Variants in PLPPR3 observed in about 807,000 individuals in gnomAD.
The protein encoded by PLPPR3 is phospholipid phosphatase-related protein type 3.
PLPPR3 carries 14 observed loss-of-function variants against 27.3 expected under a neutral mutation model. The observed-to-expected ratio is 0.51, with a 90% CI of 0.34 to 0.80. The LOEUF (loss-of-function observed/expected upper bound fraction) is 0.80, where lower values mean the gene tolerates loss of function less well. Ranked by LOEUF, PLPPR3 falls within the 30% of genes least tolerant of loss-of-function variation. The pLI is 0.01. For missense variants in PLPPR3, 1,287 were observed against 1,056.9 expected, an observed-to-expected ratio of 1.22 and a Z score of -3.02; for synonymous variants, 671 against 508.0, an observed-to-expected ratio of 1.32 and a Z score of -4.32.
At position 813,359 on chromosome 19, in the gene PLPPR3, TTCC is replaced by T. The variant is rs751140940; in HGVS notation, c.1365_1367del (p.Glu459del). On this transcript the variant is annotated inframe_deletion, in exon 8 of 8. Transcript: ENST00000520876. This position sits in a 1 kb window ranked among gnomAD's most constrained non-coding sequence, Gnocchi z 4.1. The stretch of plus-strand genomic sequence containing the variant: ...GGGCCGGGCCCTCGTCCTCCTCCTC[TTCC>T]TCCTCCTCCTCTTCCTCTTCGTCCT... The T allele has an allele frequency of 6.0e-5, 89 of 1,484,970 alleles. No individual in the cohort carries two copies. Among genetic ancestry groups the T allele is most frequent in the East Asian group, 2.6e-4 (10 of 38,978 alleles). 92.0% of individuals were successfully genotyped at this position (1,484,970 alleles called of 1,614,324 possible).
At chr19:819,478 T>C (rs1055261716) in intron 2 of PLPPR3, among the ~76,000 whole-genome samples, 12 of 151,428 alleles carry the variant, frequency 7.9e-5, no homozygotes, top group African/African-American at 2.9e-4. Flanking sequence ...TTAGTAGAGA[T>C]GGGGTTTCAC....
In PLPPR3 at chr19:812,646, C is replaced by T. The variant is rs1310493746; in HGVS notation, c.2081G>A (p.Gly694Glu). The T allele has an allele frequency of 4.6e-6, 5 of 1,085,266 alleles. No homozygotes were observed. Among genetic ancestry groups the T allele is most frequent in the Admixed American group, 1.1e-4 (2 of 18,606 alleles). The allele number at this position is 1,085,266 out of a possible 1,614,324, so 67.2% of individuals were successfully genotyped here. Residue 694 changes from glycine to glutamate, a missense_variant, in exon 8 of 8, where the codon GGG becomes GAG. Physicochemically the swap from Gly to Glu is moderately conservative, Grantham distance 98. Coordinates refer to ENST00000520876, the MANE Select transcript of PLPPR3 (RefSeq NM_001270366.2). Reference protein sequence around the residue: ...STLRRHAGGLGLAEREAEAEA... With the variant: ...STLRRHAGGLELAEREAEAEA... ...CGCCTCCGCCTCGCGCTCCGCCAGCCCCAGGCCGCCCGCGTGGCGCCGCAG... is the reference window on the plus strand; with the variant it reads ...CGCCTCCGCCTCGCGCTCCGCCAGCTCCAGGCCGCCCGCGTGGCGCCGCAG...
Position 813,814 on chromosome 19 carries a change from C to G in PLPPR3, c.913G>C (p.Ala305Pro). Residue 305 changes from alanine (A) to proline (P), a missense_variant, in exon 8 of 8, where the codon GCC (alanine) becomes CCC (proline). Physicochemically the swap from Ala to Pro is conservative, Grantham distance 27 (BLOSUM62 -1). Transcript: ENST00000520876. The surrounding 1 kb of genome is among the most constrained non-coding windows in gnomAD (Gnocchi z 4.1). ...GAGTCGTGGCCCCGCTGCGTCAGGG[C>G]CCGCAGCGCGTCCTTGGCGGGGGCC... is the stretch of plus-strand genomic sequence containing the variant. Reference protein sequence around the residue: ...APAPAKDALRALTQRGHDSVY... With the variant: ...APAPAKDALRPLTQRGHDSVY... 1 of 1,510,060 alleles carries G rather than the reference C, an allele frequency of 6.6e-7. No homozygotes were observed. 93.5% of individuals were successfully genotyped at this position (1,510,060 alleles called of 1,614,324 possible).
At position 815,168 on chromosome 19, in the gene PLPPR3, G is replaced by T; in HGVS notation, c.403+18C>A. 2 of 1,602,156 alleles carry T rather than the reference G, an allele frequency of 1.2e-6. No homozygotes were observed. The highest frequency in any genetic ancestry group is 1.7e-6 in the Non-Finnish European group (2 of 1,178,898). On this transcript the variant is annotated intron_variant, in intron 4 of 7. Transcript: ENST00000520876. Reference sequence around the variant, plus strand: ...CATGTGGAGGTAGCTCAGGGTCGGGGCGCGTCCCGCAACTCACCCACAAAC... The same window carrying T: ...CATGTGGAGGTAGCTCAGGGTCGGGTCGCGTCCCGCAACTCACCCACAAAC...
rs1271963676 is a variant in PLPPR3 at position 813,314 on chromosome 19, G to C, written c.1413C>G (p.Thr471=). ...GCCCCAGCCCCGGCCGCGCCTGCAC[G>C]GTGGGGTAGAGCGAGGGCGGGGCCG... ...EGPAPPSLYP[T]VQARPGLGPR... Residue 471 remains threonine, a synonymous_variant, in exon 8 of 8, where the codon ACC becomes ACG. Transcript: ENST00000520876. The surrounding 1 kb of genome is among the most constrained non-coding windows in gnomAD (Gnocchi z 4.1). The C allele has an allele frequency of 2.3e-5, 34 of 1,466,034 alleles. No individual in the cohort carries two copies. The highest frequency in any genetic ancestry group is 2.9e-5 in the Non-Finnish European group (32 of 1,120,678). 90.8% of individuals were successfully genotyped at this position (1,466,034 alleles called of 1,614,324 possible).
Position 814,947 on chromosome 19 carries a change from T to C in PLPPR3, c.538A>G (p.Asn180Asp), listed in dbSNP as rs1237967038. 1 of 1,612,540 alleles carries C rather than the reference T, an allele frequency of 6.2e-7. No individual in the cohort carries two copies. Among genetic ancestry groups the C allele is most frequent in the East Asian group, 2.2e-5 (1 of 44,876 alleles). ...YTLLGTSCEV[N>D]PYITQDICSG... ...CAGATGTCCTGCGTGATGTAGGGGT[T>C]GACCTCGCAGGACGTGCCCAGGAGA... Residue 180 changes from asparagine (N) to aspartate (D), a missense_variant, in exon 5 of 8, where the codon AAC (asparagine) becomes GAC (aspartate). Asn to Asp is a conservative substitution (Grantham distance 23, BLOSUM62 1). Coordinates refer to ENST00000520876, the MANE Select transcript of PLPPR3 (RefSeq NM_001270366.2).
chr19:815,977 C>T (rs1453087357), intron 2 of PLPPR3, 126 bp from the exon 3 acceptor site: 1 of 884,408 alleles, frequency 1.1e-6, no homozygotes, highest in Non-Finnish European at 1.7e-6. Context: ...CGCTCCCAGC[C>T]ACTCTTTCCC....
chr19:813,985 C>A lies in PLPPR3; in HGVS notation c.832-90G>T. ...GGACTTGCCGCGGGGGGCTCTGGACCGGGGGTGGGGGCTGGCAAGCTCTTG... is the reference window on the plus strand; with the variant it reads ...GGACTTGCCGCGGGGGGCTCTGGACAGGGGGTGGGGGCTGGCAAGCTCTTG... On this transcript the variant is annotated intron_variant, in intron 7 of 7. Transcript: ENST00000520876. This position sits in a 1 kb window ranked among gnomAD's most constrained non-coding sequence, Gnocchi z 4.1. 2.3e-6 allele frequency: 3 copies of A among 1,294,250 alleles called. No homozygotes were observed. Among genetic ancestry groups the A allele is most frequent in the Non-Finnish European group, 3.0e-6 (3 of 988,106 alleles). 80.2% of individuals were successfully genotyped at this position (1,294,250 alleles called of 1,614,324 possible).
intron 2 of PLPPR3, among the ~76,000 whole-genome samples, chr19:821,065 A>T (rs2035136181): frequency 6.6e-6 from 1 of 152,196 alleles, no homozygotes; most frequent in Non-Finnish European, 1.5e-5. Flanking sequence ...GGAGGCCCAG[A>T]GAGGTTAGGG....
chr19:814,379 CCCCCTCAGAT>C, intron 7 of PLPPR3, 45 bp downstream of exon 7: 1 of 1,510,552 alleles, frequency 6.6e-7, no homozygotes, highest in Non-Finnish European at 8.9e-7. Context: ...CTCATGCCTC[CCCCCTCAGAT>C]CCCCTGGGAA....
At chr19:821,387 G>T (rs998589930) in intron 2 of PLPPR3, 98 bp downstream of exon 2, 58 of 1,057,338 alleles carry the variant, frequency 5.5e-5, no homozygotes, top group Non-Finnish European at 7.4e-5. Context: ...GGCCACTGCC[G>T]GGGCAGCTGC....
rs1384667334 is a variant in PLPPR3 at position 815,344 on chromosome 19, G to A, written c.262-17C>T. ...CACCATGATCTGCCAACAGGGAGGGGGCGCTCAGGCCTCGGTGCCCACAGG... is the reference window on the plus strand; with the variant it reads ...CACCATGATCTGCCAACAGGGAGGGAGCGCTCAGGCCTCGGTGCCCACAGG... On this transcript the variant is annotated splice_polypyrimidine_tract_variant and intron_variant, in intron 3 of 7. Transcript: ENST00000520876. 6.5e-7 allele frequency: 1 copy of A among 1,529,642 alleles called. No homozygotes were observed. The highest frequency in any genetic ancestry group is 8.8e-7 in the Non-Finnish European group (1 of 1,138,778). The allele number at this position is 1,529,642 out of a possible 1,614,324, so 94.8% of individuals were successfully genotyped here.
In PLPPR3 at chr19:815,231, C is replaced by T. The variant is rs750933743; in HGVS notation, c.358G>A (p.Gly120Ser). Residue 120 changes from glycine (G) to serine (S), a missense_variant, in exon 4 of 8, where the codon GGC (glycine) becomes AGC (serine). Gly to Ser is a moderately conservative substitution (Grantham distance 56). Coordinates refer to ENST00000520876, the MANE Select transcript of PLPPR3 (RefSeq NM_001270366.2). ...AGAEGSINAG[G>S]CNFNSFLRRT... Reference sequence around the variant, plus strand: ...CGCAGGAAGGAGTTGAAGTTGCAGCCGCCGGCGTTGATGCTGCCCTCCGCC... The same window carrying T: ...CGCAGGAAGGAGTTGAAGTTGCAGCTGCCGGCGTTGATGCTGCCCTCCGCC... 4.3e-5 allele frequency: 68 copies of T among 1,592,648 alleles called. No individual in the cohort carries two copies. The highest frequency in any genetic ancestry group is 5.6e-5 in the South Asian group (5 of 88,944).
At position 815,779 on chromosome 19, in the gene PLPPR3, C is replaced by T; in HGVS notation, c.148G>A (p.Val50Met). 1.2e-6 allele frequency: 2 copies of T among 1,612,860 alleles called. No homozygotes were observed. Among genetic ancestry groups the T allele is most frequent in the Non-Finnish European group, 1.7e-6 (2 of 1,179,900 alleles). ...GTGCGGTCATAGCACTGGAAGCCCA[C>T]CTTGGCCGGCTTGAAGAGGTCGGTC... ...ELTDLFKPAK[V>M]GFQCYDRTLS... The change falls in exon 3 of 8, where the codon GTG becomes ATG. Residue 50 changes from valine to methionine, a missense_variant. Coordinates refer to ENST00000520876, the MANE Select transcript of PLPPR3 (RefSeq NM_001270366.2).
chr19:821,923 G>A lies in PLPPR3; in HGVS notation c.-35C>T. On this transcript the variant is annotated 5_prime_UTR_variant, in exon 1 of 8. Coordinates refer to ENST00000520876, the MANE Select transcript of PLPPR3 (RefSeq NM_001270366.2). ...GCCCCACAGCCCCTCACCTGGCGCG[G>A]CCGGCGCCCAGCACAAAGCGCGTCT... is the stretch of plus-strand genomic sequence containing the variant. 5.8e-6 allele frequency: 1 copy of A among 173,076 alleles called. No homozygotes were observed. The allele number at this position is 173,076 out of a possible 1,614,324, so 10.7% of individuals were successfully genotyped here.
At chr19:822,147 G>A (rs2035158688), upstream of PLPPR3, among the ~76,000 whole-genome samples, 1 of 151,792 alleles carries the variant, frequency 6.6e-6, no homozygotes, top group Non-Finnish European at 1.5e-5. Flanking sequence ...ACCGCCGGGG[G>A]TCTCGGGGGT....
intron 2 of PLPPR3, among the ~76,000 whole-genome samples, chr19:816,623 C>CCATCCATCCATCCATTCAT (rs2035064264): frequency 6.9e-6 from 1 of 144,944 alleles, no homozygotes; most frequent in Non-Finnish European, 1.5e-5. Context: ...CATTCATCAT[C>CCATCCATCCATCCATTCAT]CAGCCATTCA....
At position 815,842 on chromosome 19, in the gene PLPPR3, C is replaced by T. The variant is rs779341709; in HGVS notation, c.85G>A (p.Val29Met). 3.2e-5 allele frequency: 52 copies of T among 1,612,376 alleles called. 1 individual carries two copies. Among genetic ancestry groups the T allele is most frequent in the Non-Finnish European group, 4.1e-5 (48 of 1,179,748 alleles). Residue 29 changes from valine to methionine, a missense_variant, in exon 3 of 8, where the codon GTG becomes ATG. Physicochemically the swap from Val to Met is conservative, Grantham distance 21. Coordinates refer to ENST00000520876, the MANE Select transcript of PLPPR3 (RefSeq NM_001270366.2). ...PCFYFVELPI[V>M]ASSIVSLYFL... ...TACAAGGATACGATGGAAGAAGCCA[C>T]TATGGGCAGCTGTGGGGACAAGGTG...
chr19:813,564 G>C lies in PLPPR3; in HGVS notation c.1163C>G (p.Pro388Arg). ...GTGGATGGTCATGTGGCGGCGCGCG[G>C]GGTCGTCCAGCGAGGGCGCGCTGGC... ...PRASAPSLDD[P>R]ARRHMTIHVP... The change falls in exon 8 of 8, where the codon CCC becomes CGC. Residue 388 changes from proline (P) to arginine (R), a missense_variant. Transcript: ENST00000520876. This position sits in a 1 kb window ranked among gnomAD's most constrained non-coding sequence, Gnocchi z 4.1. The C allele has an allele frequency of 6.4e-7, 1 of 1,559,078 alleles. No homozygotes were observed. The highest frequency in any genetic ancestry group is 8.7e-7 in the Non-Finnish European group (1 of 1,153,846).
Sources: gnomAD v4.1 joint callset for allele counts (sites outside exome capture counted in the v4.1 genomes callset) on GRCh38, gnomAD v4.1.1 for gene constraint, Gnocchi (gnomAD v3.1) non-coding constraint, MANE v1.5 for transcripts, NCBI Gene and HGNC (gene_info 2026-07-23, HGNC 2026-07-21) for gene names.